TOR1AIP2: variants seen among roughly 807,000 people sequenced by gnomAD.
TOR1AIP2 encodes torsin 1A interacting protein 2.
Under a neutral mutation model 32.6 loss-of-function variants are expected in TOR1AIP2, and 20 were observed. The ratio of observed to expected loss-of-function variants is 0.61; its 90% confidence interval spans 0.43 to 0.89. TOR1AIP2 has a LOEUF of 0.89. Ranked by LOEUF, TOR1AIP2 falls within the 40% of genes least tolerant of loss-of-function variation. The pLI, the probability that TOR1AIP2 is intolerant of heterozygous loss-of-function variation, is 0.00. For synonymous variants in TOR1AIP2, 214 were observed against 210.8 expected, an observed-to-expected ratio of 1.02 and a Z score of -0.13; for missense variants, 456 against 553.8, an observed-to-expected ratio of 0.82 and a Z score of 1.77.
intron 5 of TOR1AIP2, among the ~76,000 whole-genome samples, chr1:179,848,386 GT>G (rs1368114846): frequency 6.6e-6 from 1 of 152,204 alleles, no homozygotes; most frequent in Non-Finnish European, 1.5e-5. Context: ...GAGGCACTAA[GT>G]TCTAAGATAG....
chr1:179,860,223 C>G, intron 3 of TOR1AIP2: 1 of 985,204 alleles, frequency 1.0e-6, no homozygotes, highest in Non-Finnish European at 1.2e-6. Context: ...CGGCTCATGC[C>G]TATAATCCCA....
Position 179,872,766 on chromosome 1 carries a change from A to C in TOR1AIP2, c.-566+4473T>G, listed in dbSNP as rs189608971. Among the ~76,000 whole-genome samples, 324 of 152,332 alleles carry C rather than the reference A, an allele frequency of 2.1e-3. 5 individuals are homozygous for C. Among genetic ancestry groups the C allele is most frequent in the East Asian group, 1.5e-3 (8 of 5,192 alleles). On this transcript the variant is annotated intron_variant, in intron 2 of 6. Coordinates refer to ENST00000609928, the MANE Select transcript of TOR1AIP2 (RefSeq NM_001199260.2). Reference sequence around the variant, plus strand: ...ACCACGTAGAGGTATTAAGCTATGCACGAAGGATCTAAGAGTTTGCTAAGA... The same window carrying C: ...ACCACGTAGAGGTATTAAGCTATGCCCGAAGGATCTAAGAGTTTGCTAAGA...
At chr1:179,851,503 C>T (rs1465788157) in intron 4 of TOR1AIP2, 140 bp from the exon 5 acceptor site, 1 of 618,264 alleles carries the variant, frequency 1.6e-6, no homozygotes, top group Non-Finnish European at 2.5e-6. Flanking sequence ...TTTCTCTTGG[C>T]TCCCACTAAA....
intron 3 of TOR1AIP2, chr1:179,864,602 A>G (rs1441315492): frequency 7.3e-7 from 1 of 1,375,254 alleles, no homozygotes; most frequent in African/African-American, 1.5e-5. Flanking sequence ...GCTGGCTGGA[A>G]TACTAACTAA....
At chr1:179,867,761 T>A (rs935721925) in intron 2 of TOR1AIP2, 3 of 152,148 alleles carry the variant, frequency 2.0e-5, no homozygotes, top group African/African-American at 7.2e-5. Context: ...AATAATTCCA[T>A]CCATTCCCCA....
At chr1:179,859,364 C>A (rs565490326) in intron 3 of TOR1AIP2, 123 of 966,360 alleles carry the variant, frequency 1.3e-4, no homozygotes, top group Non-Finnish European at 1.4e-4. Context: ...CCCAAGAACA[C>A]GTGACTACTG....
chr1:179,850,934 G>A lies in TOR1AIP2; in HGVS notation c.464C>T (p.Thr155Ile). ...ACTCTGGGCCTCCTGGGAGTCTGTA[G>A]TAGGTGGTTCCTGAGATGCTCCAGT... ...DGTGASQEPPTTDSQEAQSPG... is the reference protein window; with the variant it reads ...DGTGASQEPPITDSQEAQSPG... The change falls in exon 5 of 7, where the codon ACT becomes ATT. Residue 155 changes from threonine to isoleucine, a missense_variant. Physicochemically the swap from Thr to Ile is moderately conservative, Grantham distance 89. Transcript: ENST00000609928. 7 of 1,614,226 alleles carry A rather than the reference G, an allele frequency of 4.3e-6. No individual in the cohort carries two copies. The highest frequency in any genetic ancestry group is 5.9e-6 in the Non-Finnish European group (7 of 1,180,034).
chr1:179,845,838 C>G lies in TOR1AIP2; in HGVS notation c.*233G>C. ...CATATATATCATCGATATTTCAAACCTGATTTGGTCCAAAGAAAAAAAGTC... is the reference window on the plus strand; with the variant it reads ...CATATATATCATCGATATTTCAAACGTGATTTGGTCCAAAGAAAAAAAGTC... On this transcript the variant is annotated 3_prime_UTR_variant, in exon 7 of 7. Transcript: ENST00000609928. 1 of 455,480 alleles carries G rather than the reference C, an allele frequency of 2.2e-6. No individual in the cohort carries two copies. Among genetic ancestry groups the G allele is most frequent in the Non-Finnish European group, 3.8e-6 (1 of 262,526 alleles). The allele number at this position is 455,480 out of a possible 1,614,324, so 28.2% of individuals were successfully genotyped here.
chr1:179,861,281 CATT>C (rs2148442519), intron 3 of TOR1AIP2: 1 of 984,600 alleles, frequency 1.0e-6, no homozygotes, highest in Non-Finnish European at 1.2e-6. Flanking sequence ...TAATAAAATT[CATT>C]ATTCATATCA....
chr1:179,850,042 T>C (rs1194010399), intron 5 of TOR1AIP2, among the ~76,000 whole-genome samples: 2 of 152,234 alleles, frequency 1.3e-5, no homozygotes, highest in Non-Finnish European at 2.9e-5. Context: ...CACTGGCAAA[T>C]GGGCATTTCA....
chr1:179,851,090 A>AGGTGAT lies in TOR1AIP2; in HGVS notation c.302_307dup (p.His101_His102dup), dbSNP rs766915015. 1 of 1,614,196 alleles carries AGGTGAT rather than the reference A, an allele frequency of 6.2e-7. No individual in the cohort carries two copies. ...TTCTTTACCCAGATTTTCTGAAGGG[A>AGGTGAT]GGTGATGCCCTTTTCCGCCATCCAG... On this transcript the variant is annotated inframe_insertion, in exon 5 of 7. Transcript: ENST00000609928.
At chr1:179,852,014 C>A (rs1696133510) in intron 4 of TOR1AIP2, among the ~76,000 whole-genome samples, 1 of 152,210 alleles carries the variant, frequency 6.6e-6, no homozygotes, top group Admixed American at 6.5e-5. Context: ...GATGTGGTGG[C>A]TCATGCATGT....
At chr1:179,873,246 C>T (rs1315671916) in intron 2 of TOR1AIP2, among the ~76,000 whole-genome samples, 2 of 152,104 alleles carry the variant, frequency 1.3e-5, no homozygotes, top group East Asian at 1.9e-4. Flanking sequence ...AGGCTGGTCT[C>T]GAACTCCTGG....
At chr1:179,861,959 G>A in intron 3 of TOR1AIP2, 19 of 980,942 alleles carry the variant, frequency 1.9e-5, no homozygotes, top group Non-Finnish European at 2.3e-5. Flanking sequence ...CTCAACCTCT[G>A]AAGTAGCTGT....
intron 3 of TOR1AIP2, among the ~76,000 whole-genome samples, chr1:179,856,173 CA>C (rs1696294519): frequency 6.6e-6 from 1 of 151,212 alleles, no homozygotes; most frequent in Non-Finnish European, 1.5e-5. Context: ...AACTCCGTCT[CA>C]AAAAAGAAAA....
intron 3 of TOR1AIP2, chr1:179,862,307 G>A (rs2148444235): frequency 1.0e-6 from 1 of 982,276 alleles, no homozygotes; most frequent in South Asian, 4.7e-5. Flanking sequence ...AAAAATTTAG[G>A]GGCAATAATA....
At chr1:179,859,746 C>A in intron 3 of TOR1AIP2, 1 of 985,420 alleles carries the variant, frequency 1.0e-6, no homozygotes, top group Non-Finnish European at 1.2e-6. Context: ...AATCTTTACA[C>A]CCAAGACCAT....
At position 179,841,149 on chromosome 1, in the gene TOR1AIP2, TCAAC is replaced by T; in HGVS notation, c.*4918_*4921del. 6.6e-6 allele frequency: 1 copy of T among 152,320 alleles called. No individual in the cohort carries two copies. Among genetic ancestry groups the T allele is most frequent in the East Asian group, 1.9e-4 (1 of 5,190 alleles). The allele number at this position is 152,320 out of a possible 1,614,324, so 9.4% of individuals were successfully genotyped here. The stretch of plus-strand genomic sequence containing the variant: ...ATTAACATCTTTGCAAATATATTAT[TCAAC>T]CAAGCATTTGCCATAAAGATAAGCA... On this transcript the variant is annotated 3_prime_UTR_variant, in exon 7 of 7. Transcript: ENST00000609928.
At position 179,846,001 on chromosome 1, in the gene TOR1AIP2, A is replaced by G; in HGVS notation, c.*70T>C. The stretch of plus-strand genomic sequence containing the variant: ...AGCTATTTTATCAACCTCCTTCCAT[A>G]TAAATGGAAGGTCTTTAAACAAACT... On this transcript the variant is annotated 3_prime_UTR_variant, in exon 7 of 7. Coordinates refer to ENST00000609928, the MANE Select transcript of TOR1AIP2 (RefSeq NM_001199260.2). 1 of 1,366,792 alleles carries G rather than the reference A, an allele frequency of 7.3e-7. No individual in the cohort carries two copies. Among genetic ancestry groups the G allele is most frequent in the South Asian group, 1.4e-5 (1 of 69,208 alleles). 84.7% of individuals were successfully genotyped at this position (1,366,792 alleles called of 1,614,324 possible).
Sources: gnomAD v4.1 joint callset for allele counts (sites outside exome capture counted in the v4.1 genomes callset) on GRCh38, gnomAD v4.1.1 for gene constraint, MANE v1.5 for transcripts, NCBI Gene and HGNC (gene_info 2026-07-23, HGNC 2026-07-21) for gene names.